PSMD14: variants seen among roughly 807,000 people sequenced by gnomAD.
The protein encoded by PSMD14 is ubiquitin C-terminal hydrolase PSMD14.
Under a neutral mutation model 41.2 loss-of-function variants are expected in PSMD14, and 7 were observed. That is an observed-to-expected ratio of 0.17 (90% CI 0.10 to 0.32). PSMD14 has a LOEUF of 0.32. Ranked by LOEUF, PSMD14 falls within the 10% of genes least tolerant of loss-of-function variation. PSMD14 has a pLI of 1.00. For synonymous variants in PSMD14, 114 were observed against 122.3 expected, an observed-to-expected ratio of 0.93 and a Z score of 0.45; for missense variants, 139 against 375.6, an observed-to-expected ratio of 0.37 and a Z score of 5.21.
intron 3 of PSMD14, among the ~76,000 whole-genome samples, chr2:161,365,050 G>C (rs1683340461): frequency 6.6e-6 from 1 of 152,156 alleles, no homozygotes; most frequent in Non-Finnish European, 1.5e-5. Context: ...TGGTTGCAGT[G>C]AGCCAAGATC....
intron 10 of PSMD14, among the ~76,000 whole-genome samples, chr2:161,406,287 G>A (rs1263415524): frequency 6.6e-6 from 1 of 152,172 alleles, no homozygotes; most frequent in Non-Finnish European, 1.5e-5. Context: ...CGTGCATGAT[G>A]GGATAGCCAT....
intron 10 of PSMD14, among the ~76,000 whole-genome samples, chr2:161,405,651 T>C (rs1683938828): frequency 6.6e-6 from 1 of 152,188 alleles, no homozygotes; most frequent in South Asian, 2.1e-4. Flanking sequence ...AGTCAATACT[T>C]TAAAAATCAT....
rs878910948 is a variant in PSMD14 at position 161,385,656 on chromosome 2, A to G, written c.570+85A>G. On this transcript the variant is annotated intron_variant, in intron 8 of 11. Coordinates refer to ENST00000409682, the MANE Select transcript of PSMD14 (RefSeq NM_005805.6). ...GTAGTCTTTTTAAGTTCTAATTCTT[A>G]GCATTTTAATTTGCTTGCAAATTAA... 5 of 664,520 alleles carry G rather than the reference A, an allele frequency of 7.5e-6. No homozygotes were observed. The South Asian group carries it at 1.1e-4, about 15-fold the overall frequency. 41.2% of individuals were successfully genotyped at this position (664,520 alleles called of 1,614,324 possible). A position where few individuals can be genotyped will look rare whatever the true frequency, so the allele number is the denominator to read the frequency against.
At chr2:161,390,524 A>G (rs1683697749) in intron 8 of PSMD14, among the ~76,000 whole-genome samples, 1 of 152,170 alleles carries the variant, frequency 6.6e-6, no homozygotes, top group Non-Finnish European at 1.5e-5. Flanking sequence ...CACCTTGGAG[A>G]CAGAGTGAGG....
intron 3 of PSMD14, among the ~76,000 whole-genome samples, chr2:161,336,110 ATGGTCTCCACCTTTTATTCATT>A (rs72214119): frequency 0.67 from 100,804 of 150,382 alleles, 34,254 homozygotes; most frequent in Admixed American, 0.72. Flanking sequence ...GTTTGTAAAT[ATGGTCTCCACCTTTTATTCATT>A]TGGTCTCCAC....
intron 10 of PSMD14, among the ~76,000 whole-genome samples, chr2:161,404,294 A>G (rs1683920887): frequency 2.0e-5 from 3 of 152,150 alleles, no homozygotes; most frequent in Admixed American, 2.0e-4. Flanking sequence ...TCTTTAGTAC[A>G]CTGCCAGATA....
intron 1 of PSMD14, among the ~76,000 whole-genome samples, chr2:161,313,771 A>G (rs1192807463): frequency 1.3e-5 from 2 of 152,236 alleles, no homozygotes; most frequent in African/African-American, 2.4e-5. Flanking sequence ...GCATGAACCT[A>G]GAACATACTT....
intron 3 of PSMD14, among the ~76,000 whole-genome samples, chr2:161,342,104 A>G (rs1682972506): frequency 6.6e-6 from 1 of 152,150 alleles, no homozygotes; most frequent in Non-Finnish European, 1.5e-5. Flanking sequence ...CAGTTACTAC[A>G]GCACCACTTG....
intron 10 of PSMD14, among the ~76,000 whole-genome samples, chr2:161,398,709 A>C (rs1295513001): frequency 6.6e-6 from 1 of 152,064 alleles, no homozygotes; most frequent in Non-Finnish European, 1.5e-5. Flanking sequence ...CTGTTCAGGT[A>C]GAAATACTGA....
chr2:161,407,186 A>C (rs1683958833), intron 10 of PSMD14, among the ~76,000 whole-genome samples: 1 of 152,120 alleles, frequency 6.6e-6, no homozygotes, highest in Non-Finnish European at 1.5e-5. Context: ...CAATTTGTGA[A>C]AGTAATTTAG....
At chr2:161,379,490 G>A (rs904116892) in intron 7 of PSMD14, among the ~76,000 whole-genome samples, 3 of 151,934 alleles carry the variant, frequency 2.0e-5, no homozygotes, top group Admixed American at 6.6e-5. Flanking sequence ...ATCTTAAAGC[G>A]TCACTCTCTA....
rs545706307 is a variant in PSMD14 at position 161,342,178 on chromosome 2, T to C, written c.48+23305T>C. Among the ~76,000 whole-genome samples, 15 of 152,284 alleles carry C rather than the reference T, an allele frequency of 9.9e-5. No individual in the cohort carries two copies. In the South Asian group the frequency reaches 2.9e-3, roughly 29 times the overall value. On this transcript the variant is annotated intron_variant, in intron 3 of 11. Transcript: ENST00000409682. ...TCTGACTAGAACCTTTAATAAAATG[T>C]TAATAGAAGTGGTGAAATGAGCATT...
At chr2:161,311,996 C>T (rs186238690) in intron 1 of PSMD14, among the ~76,000 whole-genome samples, 1 of 152,140 alleles carries the variant, frequency 6.6e-6, no homozygotes, top group Non-Finnish European at 1.5e-5. Context: ...GACTCACTCA[C>T]GATCTTCCAC....
rs111669986 is a variant in PSMD14 at position 161,331,366 on chromosome 2, G to A, written c.48+12493G>A. 9.6e-3 allele frequency among the ~76,000 whole-genome samples: 1,463 copies of A among 151,930 alleles called. 16 individuals are homozygous for A. The highest frequency in any genetic ancestry group is 0.048 in the Middle Eastern group (14 of 292). On this transcript the variant is annotated intron_variant, in intron 3 of 11. Transcript: ENST00000409682. ...CAACCTCCGCCTCCCAGGTTCAAGC[G>A]GTTCTCCTGCCTCAGCCTCCTGAGT...
chr2:161,346,976 AT>A (rs950687291), intron 3 of PSMD14, among the ~76,000 whole-genome samples: 2 of 151,876 alleles, frequency 1.3e-5, no homozygotes, highest in Non-Finnish European at 2.9e-5. Flanking sequence ...CTTTGCAGCT[AT>A]TTTTTCTGTG....
chr2:161,338,264 G>A (rs776476199), intron 3 of PSMD14, among the ~76,000 whole-genome samples: 17 of 151,634 alleles, frequency 1.1e-4, no homozygotes, highest in East Asian at 1.9e-4. Context: ...CTGAAACTGC[G>A]TTTGTGTGTG....
chr2:161,324,278 C>T (rs1474867496), intron 3 of PSMD14, among the ~76,000 whole-genome samples: 1 of 152,206 alleles, frequency 6.6e-6, no homozygotes, highest in Non-Finnish European at 1.5e-5. Context: ...CACAAGCAAT[C>T]ATGTTTTAAG....
At chr2:161,397,373 A>G (rs964600481) in intron 10 of PSMD14, among the ~76,000 whole-genome samples, 4 of 152,216 alleles carry the variant, frequency 2.6e-5, no homozygotes, top group East Asian at 1.9e-4. Context: ...GAAGTGAAAG[A>G]AGGAGGAGGA....
chr2:161,365,399 A>G (rs1201778469), intron 3 of PSMD14, among the ~76,000 whole-genome samples: 3 of 152,010 alleles, frequency 2.0e-5, no homozygotes, highest in African/African-American at 7.3e-5. Context: ...GCACTTTTCT[A>G]AGTACTGGTT....
Sources: gnomAD v4.1 joint callset for allele counts (sites outside exome capture counted in the v4.1 genomes callset) on GRCh38, gnomAD v4.1.1 for gene constraint, MANE v1.5 for transcripts, NCBI Gene and HGNC (gene_info 2026-07-23, HGNC 2026-07-21) for gene names.